ANKRD27: variants seen among roughly 807,000 people sequenced by gnomAD.
ANKRD27 encodes the protein ankyrin repeat domain 27.
A neutral mutation model predicts 129.7 loss-of-function variants in ANKRD27; 112 were observed. The observed-to-expected ratio is 0.86, with a 90% CI of 0.74 to 1.01. ANKRD27 has a LOEUF of 1.01. ANKRD27 is among the 50% of genes least tolerant of loss of function. The pLI, the probability that ANKRD27 is intolerant of heterozygous loss-of-function variation, is 0.00. For missense variants in ANKRD27, 1,258 were observed against 1,300.5 expected (o/e 0.97, Z 0.50); for synonymous variants, 516 against 511.2 (o/e 1.01, Z -0.13).
At chr19:32,613,872 C>T (rs1971871429) in intron 22 of ANKRD27, among the ~76,000 whole-genome samples, 1 of 152,036 alleles carries the variant, frequency 6.6e-6, no homozygotes, top group African/African-American at 2.4e-5. Flanking sequence ...CCACGCCCAG[C>T]TAATTTTTTG....
In ANKRD27 at chr19:32,639,437, C is replaced by G. The variant is rs749637651; in HGVS notation, c.1035G>C (p.Lys345Asn). The part of the protein sequence containing the change: ...IKNFRFSSLA[K>N]DELGYCLTSF... ...AGGTCAGGCAGTATCCCAGTTCATCCTTTGCCAAGCTGCTAAACCTGAAGT... is the reference window on the plus strand; with the variant it reads ...AGGTCAGGCAGTATCCCAGTTCATCGTTTGCCAAGCTGCTAAACCTGAAGT... The change falls in exon 12 of 29, where the codon AAG becomes AAC. Residue 345 changes from lysine (K) to asparagine (N), a missense_variant. Coordinates refer to ENST00000306065, the MANE Select transcript of ANKRD27 (RefSeq NM_032139.3). 4 of 1,614,024 alleles carry G rather than the reference C, an allele frequency of 2.5e-6. No individual in the cohort carries two copies. The East Asian group carries it at 8.9e-5, about 36-fold the overall frequency.
intron 1 of ANKRD27, among the ~76,000 whole-genome samples, chr19:32,660,191 G>A (rs1355776467): frequency 6.6e-6 from 1 of 152,244 alleles, no homozygotes; most frequent in African/African-American, 2.4e-5. Flanking sequence ...AACCCGCTAG[G>A]CGGGGCCTTT....
chr19:32,651,054 ATTC>A (rs1388763092), intron 2 of ANKRD27, among the ~76,000 whole-genome samples: 2 of 152,044 alleles, frequency 1.3e-5, no homozygotes, highest in African/African-American at 4.8e-5. Flanking sequence ...CCATTGTATT[ATTC>A]TTTGTTTGAA....
At chr19:32,636,526 T>C (rs956513144) in intron 12 of ANKRD27, 2 of 151,186 alleles carry the variant, frequency 1.3e-5, no homozygotes, top group African/African-American at 2.4e-5. Context: ...AAAGATACAA[T>C]TGTGTATGCA....
rs764962763 is a variant in ANKRD27, at chr19:32,639,487, T to C, written c.985A>G (p.Met329Val). The stretch of plus-strand genomic sequence containing the variant: ...TTTTTGATGTAACTCAAATTTGCCA[T>C]CCTAATGAAAGGAAGAAAAAAGTTA... Reference protein sequence around the residue: ...LLVKTEIPNWMANLSYIKNFR... With the variant: ...LLVKTEIPNWVANLSYIKNFR... Residue 329 changes from methionine (M) to valine (V), a missense_variant and splice_region_variant, in exon 12 of 29, where the codon ATG becomes GTG. Physicochemically the swap from Met to Val is conservative, Grantham distance 21 (BLOSUM62 1). Coordinates refer to ENST00000306065, the MANE Select transcript of ANKRD27 (RefSeq NM_032139.3). 1.2e-6 allele frequency: 2 copies of C among 1,611,798 alleles called. No individual in the cohort carries two copies. The highest frequency in any genetic ancestry group is 2.2e-5 in the South Asian group (2 of 90,684).
At chr19:32,647,296 TAC>T (rs1967321658) in intron 3 of ANKRD27, among the ~76,000 whole-genome samples, 1 of 152,246 alleles carries the variant, frequency 6.6e-6, no homozygotes, top group Non-Finnish European at 1.5e-5. Flanking sequence ...GTTTTACAGT[TAC>T]ACGTTTCTGA....
intron 25 of ANKRD27, among the ~76,000 whole-genome samples, chr19:32,603,564 A>G (rs1971684344): frequency 6.6e-6 from 1 of 152,112 alleles, no homozygotes; most frequent in African/African-American, 2.4e-5. Flanking sequence ...TTTTTTTGAG[A>G]TAAAGTCTCT....
chr19:32,618,542 C>A (rs904606580), intron 20 of ANKRD27, among the ~76,000 whole-genome samples: 2 of 151,594 alleles, frequency 1.3e-5, no homozygotes, highest in African/African-American at 4.8e-5. Flanking sequence ...CTCCCAGGGA[C>A]AACTTCAGGT....
At chr19:32,604,527 T>A (rs1028739038) in intron 24 of ANKRD27, 103 bp from the exon 25 acceptor site, 6 of 1,209,802 alleles carry the variant, frequency 5.0e-6, no homozygotes, top group South Asian at 2.2e-5. Context: ...TTGTTTTTTT[T>A]ATGTCTGAAA....
At chr19:32,605,782 C>A in intron 24 of ANKRD27, 53 bp downstream of exon 24, 27 of 1,598,108 alleles carry the variant, frequency 1.7e-5, no homozygotes, top group Non-Finnish European at 2.2e-5. Context: ...TGGGTGGAGG[C>A]GCCCTGTTAA....
At position 32,597,438 on chromosome 19, in the gene ANKRD27, C is replaced by T. The variant is rs972989058; in HGVS notation, c.*707G>A. Reference sequence around the variant, plus strand: ...ACAGACATTCAAGGGAGGTTCTCAACAAAAAGGGATGTTTCTAGAAATACT... The same window carrying T: ...ACAGACATTCAAGGGAGGTTCTCAATAAAAAGGGATGTTTCTAGAAATACT... On this transcript the variant is annotated 3_prime_UTR_variant, in exon 29 of 29. Transcript: ENST00000306065. 6.6e-6 allele frequency: 1 copy of T among 152,624 alleles called. No homozygotes were observed. Among genetic ancestry groups the T allele is most frequent in the African/African-American group, 2.4e-5 (1 of 41,428 alleles). 9.5% of individuals were successfully genotyped at this position (152,624 alleles called of 1,614,324 possible).
intron 1 of ANKRD27, 94 bp from the exon 2 acceptor site, chr19:32,659,139 C>CTT (rs35323163): frequency 9.7e-4 from 153 of 157,624 alleles, no homozygotes; most frequent in East Asian, 1.9e-3. Context: ...TTTTCTTTTT[C>CTT]TTTTTTTTTT....
At chr19:32,673,607 C>A in intron 1 of ANKRD27, 2 of 306,506 alleles carry the variant, frequency 6.5e-6, no homozygotes, top group Non-Finnish European at 9.6e-6. Context: ...TCTTTCCACC[C>A]ATTTTGTCCT....
chr19:32,662,311 CAA>C (rs34066529), intron 1 of ANKRD27, among the ~76,000 whole-genome samples: 6 of 38,016 alleles, frequency 1.6e-4, no homozygotes, highest in Admixed American at 8.1e-4. Context: ...ACTCAGTCTC[CAA>C]AAAAAAAAAA....
intron 26 of ANKRD27, 112 bp from the exon 27 acceptor site, chr19:32,600,162 C>A: frequency 2.5e-6 from 2 of 789,140 alleles, no homozygotes. Context: ...AATTTAGAAA[C>A]TGAAGCACTG....
At chr19:32,642,201 C>G in intron 9 of ANKRD27, 56 bp from the exon 10 acceptor site, 1 of 1,393,360 alleles carries the variant, frequency 7.2e-7, no homozygotes, top group South Asian at 1.8e-5. Context: ...AACCCTCTGG[C>G]CTGGATCTAA....
chr19:32,663,329 A>T (rs1967682632), intron 1 of ANKRD27, among the ~76,000 whole-genome samples: 1 of 152,228 alleles, frequency 6.6e-6, no homozygotes, highest in African/African-American at 2.4e-5. Context: ...CAACGTAGGA[A>T]GTAATAAATT....
At chr19:32,606,829 G>A (rs903254676) in intron 23 of ANKRD27, among the ~76,000 whole-genome samples, 1 of 151,302 alleles carries the variant, frequency 6.6e-6, no homozygotes, top group Non-Finnish European at 1.5e-5. Flanking sequence ...AGGGCCTGGT[G>A]CTGTGGCTCA....
In ANKRD27 at chr19:32,605,856, C is replaced by G. The variant is rs1158555702; in HGVS notation, c.2472G>C (p.Glu824Asp). The G allele has an allele frequency of 1.2e-6, 2 of 1,613,912 alleles. No individual in the cohort carries two copies. The highest frequency in any genetic ancestry group is 2.2e-5 in the South Asian group (2 of 91,078). Residue 824 changes from glutamate (E) to aspartate (D), a missense_variant, in exon 24 of 29, where the codon GAG (glutamate) becomes GAC (aspartate). By Grantham distance (45) the Glu-to-Asp change is conservative. Coordinates refer to ENST00000306065, the MANE Select transcript of ANKRD27 (RefSeq NM_032139.3). Reference sequence around the variant, plus strand: ...TCACCTGTAGCAGCAGTGCCACAAGCTCGTGATGGCCACCGGAGCAGGCGT... The same window carrying G: ...TCACCTGTAGCAGCAGTGCCACAAGGTCGTGATGGCCACCGGAGCAGGCGT... Reference protein sequence around the residue: ...LIYACSGGHHELVALLLQHGA... With the variant: ...LIYACSGGHHDLVALLLQHGA...
Sources: gnomAD v4.1 joint callset for allele counts (sites outside exome capture counted in the v4.1 genomes callset) on GRCh38, gnomAD v4.1.1 for gene constraint, MANE v1.5 for transcripts, NCBI Gene and HGNC (gene_info 2026-07-23, HGNC 2026-07-21) for gene names.